TENM4: variants seen among roughly 807,000 people sequenced by gnomAD.
TENM4 encodes the protein teneurin transmembrane protein 4.
Under a neutral mutation model 243.3 loss-of-function variants are expected in TENM4, and 82 were observed. That is an observed-to-expected ratio of 0.34 (90% CI 0.28 to 0.40). The LOEUF is 0.40. TENM4 is among the 10% of genes least tolerant of loss of function. TENM4 has a pLI of 1.00. For missense variants in TENM4, 3,138 were observed against 3,673.3 expected (o/e 0.85, Z 3.77); for synonymous variants, 1,412 against 1,456.3 (o/e 0.97, Z 0.69).
intron 6 of TENM4, among the ~76,000 whole-genome samples, chr11:78,964,882 A>T (rs942076494): frequency 9.9e-5 from 15 of 151,214 alleles, no homozygotes; most frequent in Non-Finnish European, 1.9e-4. Flanking sequence ...GTAATTTTTA[A>T]TTTTTTTTTG....
intron 23 of TENM4, 22 bp downstream of exon 23, chr11:78,726,057 G>A: frequency 6.2e-7 from 1 of 1,613,344 alleles, no homozygotes; most frequent in Non-Finnish European, 8.5e-7. Flanking sequence ...CCTGGTTCAA[G>A]TAATTCTATT....
chr11:78,974,960 C>G (rs983916478), intron 6 of TENM4, among the ~76,000 whole-genome samples: 1 of 151,902 alleles, frequency 6.6e-6, no homozygotes. Flanking sequence ...GCTGGGATTA[C>G]AGTGGTGAGC....
chr11:79,432,246 C>T (rs1859184332), intron 1 of TENM4, among the ~76,000 whole-genome samples: 1 of 152,150 alleles, frequency 6.6e-6, no homozygotes, highest in African/African-American at 2.4e-5. Flanking sequence ...CCTTCTTCCT[C>T]CCTCATCTCT....
At chr11:79,334,046 T>C (rs1428516618) in intron 1 of TENM4, among the ~76,000 whole-genome samples, 1 of 152,162 alleles carries the variant, frequency 6.6e-6, no homozygotes. Flanking sequence ...GTCTAAGTCA[T>C]CTGTAGTTCA....
At chr11:79,313,192 G>C (rs1036051257) in intron 1 of TENM4, among the ~76,000 whole-genome samples, 73 of 152,310 alleles carry the variant, frequency 4.8e-4, no homozygotes, top group Middle Eastern at 3.4e-3. Context: ...AAATGGAAGG[G>C]AGTTTCTAGT....
intron 23 of TENM4, among the ~76,000 whole-genome samples, chr11:78,724,691 G>C (rs557743267): frequency 6.6e-6 from 1 of 152,154 alleles, no homozygotes; most frequent in Non-Finnish European, 1.5e-5. Context: ...AGCTGGGCAC[G>C]TGACTGCCTG....
intron 12 of TENM4, among the ~76,000 whole-genome samples, chr11:78,841,315 G>A (rs1194359696): frequency 6.6e-6 from 1 of 152,132 alleles, no homozygotes; most frequent in Admixed American, 6.5e-5. Flanking sequence ...AAGCCACACT[G>A]CCTCTCTTTA....
intron 1 of TENM4, among the ~76,000 whole-genome samples, chr11:79,419,568 G>A (rs1858887989): frequency 6.6e-6 from 1 of 152,218 alleles, no homozygotes; most frequent in African/African-American, 2.4e-5. Context: ...GGACTTGACA[G>A]TGTGATATGT....
At chr11:78,957,027 A>ATCCC (rs1280655997) in intron 6 of TENM4, among the ~76,000 whole-genome samples, 20 of 152,336 alleles carry the variant, frequency 1.3e-4, no homozygotes, top group African/African-American at 4.8e-4. Flanking sequence ...AATACCCTTC[A>ATCCC]TCCCTCATCT....
intron 17 of TENM4, among the ~76,000 whole-genome samples, chr11:78,772,568 T>C (rs1445020757): frequency 6.6e-6 from 1 of 152,212 alleles, no homozygotes; most frequent in Non-Finnish European, 1.5e-5. Flanking sequence ...AATTGACTCA[T>C]TATTCTTAAA....
chr11:78,761,834 G>C (rs769760177), intron 18 of TENM4, among the ~76,000 whole-genome samples: 6 of 152,114 alleles, frequency 3.9e-5, no homozygotes, highest in Non-Finnish European at 7.3e-5. Context: ...CAGGGCCTCA[G>C]TTCCAACCTC....
chr11:79,186,088 G>A (rs560739564), intron 3 of TENM4, among the ~76,000 whole-genome samples: 1 of 152,186 alleles, frequency 6.6e-6, no homozygotes, highest in South Asian at 2.1e-4. Context: ...AGGTGGCAAA[G>A]CTAGGATTTA....
At chr11:78,875,533 G>T (rs1859248346) in intron 9 of TENM4, among the ~76,000 whole-genome samples, 1 of 152,088 alleles carries the variant, frequency 6.6e-6, no homozygotes, top group Non-Finnish European at 1.5e-5. Flanking sequence ...GGAGCTACTT[G>T]CATCCTCTCA....
At chr11:78,805,057 A>G (rs999686763) in intron 15 of TENM4, among the ~76,000 whole-genome samples, 3 of 152,202 alleles carry the variant, frequency 2.0e-5, no homozygotes, top group Non-Finnish European at 4.4e-5. Flanking sequence ...GTTAAGGGGT[A>G]GTTTTGAATC....
At chr11:78,947,782 C>T (rs549298074) in intron 6 of TENM4, among the ~76,000 whole-genome samples, 2 of 152,342 alleles carry the variant, frequency 1.3e-5, no homozygotes, top group South Asian at 4.1e-4. Flanking sequence ...GAGCTCCCTA[C>T]ACTTCTGCCA....
At position 79,395,144 on chromosome 11, in the gene TENM4, A is replaced by T. The variant is rs150133062; in HGVS notation, c.-321+45365T>A. Among the ~76,000 whole-genome samples, 151 of 152,338 alleles carry T rather than the reference A, an allele frequency of 9.9e-4. 1 individual carries two copies. The Middle Eastern group carries it at 0.01, about 10-fold the overall frequency. ...AGACAGGGAGAAGGTGCCCAAACAGATGAGCCAAGTGTTGCAACACAGAGA... is the reference window on the plus strand; with the variant it reads ...AGACAGGGAGAAGGTGCCCAAACAGTTGAGCCAAGTGTTGCAACACAGAGA... On this transcript the variant is annotated intron_variant, in intron 1 of 33. Transcript: ENST00000278550.
chr11:79,279,358 G>A (rs1856115570), intron 2 of TENM4, among the ~76,000 whole-genome samples: 1 of 152,214 alleles, frequency 6.6e-6, no homozygotes, highest in South Asian at 2.1e-4. Context: ...GTGTTAAGGA[G>A]AGAGGCAGGC....
At chr11:79,437,456 T>G (rs1268245927) in intron 1 of TENM4, among the ~76,000 whole-genome samples, 1 of 151,864 alleles carries the variant, frequency 6.6e-6, no homozygotes, top group African/African-American at 2.4e-5. Flanking sequence ...GCGCGGCGCT[T>G]GCGGCTGGAA....
At chr11:79,026,226 G>T (rs185354971) in intron 6 of TENM4, among the ~76,000 whole-genome samples, 53 of 152,310 alleles carry the variant, frequency 3.5e-4, no homozygotes, top group African/African-American at 1.2e-3. Context: ...ATGACCCTGG[G>T]TGTGAGGCCA....
Sources: allele counts gnomAD v4.1 joint callset (sites outside exome capture counted in the v4.1 genomes callset), GRCh38; gene constraint gnomAD v4.1.1; transcripts MANE v1.5; gene names NCBI Gene and HGNC (gene_info 2026-07-23, HGNC 2026-07-21).